Variants in MOB3B observed in about 807,000 individuals in gnomAD.
MOB3B encodes the protein MOB kinase activator 3B, also known as MOB kinase activator-like 2B.
Under a neutral mutation model 18.7 loss-of-function variants are expected in MOB3B, and 7 were observed. The ratio of observed to expected loss-of-function variants is 0.37; its 90% CI spans 0.21 to 0.70. The LOEUF is 0.70. Ranked by LOEUF, MOB3B falls within the 30% of genes least tolerant of loss-of-function variation. The pLI is 0.52. For missense variants in MOB3B, 253 were observed against 281.3 expected, an observed-to-expected ratio of 0.90 and a Z score of 0.72; for synonymous variants, 111 against 99.9, an observed-to-expected ratio of 1.11 and a Z score of -0.66.
intron 2 of MOB3B, among the ~76,000 whole-genome samples, chr9:27,420,547 CCATA>C (rs1563864411): frequency 2.2e-4 from 10 of 44,808 alleles, no homozygotes; most frequent in Non-Finnish European, 3.5e-4. Context: ...TCTGTATATT[CCATA>C]TATATATATA....
chr9:27,447,372 A>T (rs1427221989), intron 2 of MOB3B, among the ~76,000 whole-genome samples: 1 of 152,166 alleles, frequency 6.6e-6, no homozygotes, highest in African/African-American at 2.4e-5. Flanking sequence ...GCTACAAATG[A>T]CAAATGACGA....
intron 2 of MOB3B, among the ~76,000 whole-genome samples, chr9:27,399,642 G>A (rs887667658): frequency 3.3e-5 from 5 of 152,122 alleles, no homozygotes; most frequent in African/African-American, 2.4e-5. Flanking sequence ...TCTTGTGCAC[G>A]TCTCTGAACC....
At chr9:27,381,837 C>T (rs767140727) in intron 2 of MOB3B, among the ~76,000 whole-genome samples, 4 of 152,070 alleles carry the variant, frequency 2.6e-5, no homozygotes, top group African/African-American at 2.4e-5. Context: ...GTAGAGATGA[C>T]GTCTCGCTAT....
chr9:27,328,443 G>GCAATTAACA lies in MOB3B; in HGVS notation c.*2135_*2143dup, dbSNP rs1293794227. 24 of 151,600 alleles carry GCAATTAACA rather than the reference G, an allele frequency of 1.6e-4. 1 individual carries two copies. The highest frequency in any genetic ancestry group is 6.6e-4 in the Admixed American group (10 of 15,240). The allele number at this position is 151,600 out of a possible 1,614,324, so 9.4% of individuals were successfully genotyped here. On this transcript the variant is annotated 3_prime_UTR_variant, in exon 4 of 4. Transcript: ENST00000262244. ...ATTTACCCTAGAAGAGTTCATTAGT[G>GCAATTAACA]CAATTAACAATATAAGCAGGAGGAA...
intron 2 of MOB3B, among the ~76,000 whole-genome samples, chr9:27,416,684 C>T (rs1822155002): frequency 6.7e-6 from 1 of 149,558 alleles, no homozygotes; most frequent in Non-Finnish European, 1.5e-5. Context: ...GCATGATGTA[C>T]CACCATGCCC....
intron 2 of MOB3B, among the ~76,000 whole-genome samples, chr9:27,400,445 C>T (rs182194005): frequency 2.0e-3 from 303 of 152,268 alleles, no homozygotes; most frequent in Non-Finnish European, 3.3e-3. Context: ...GAGGGCCTGC[C>T]TCCCTCCTTC....
rs958118971 is a variant in MOB3B, at chr9:27,460,261, G to C, written c.-198-4513C>G. Among the ~76,000 whole-genome samples, 4 of 152,290 alleles carry C rather than the reference G, an allele frequency of 2.6e-5. No homozygotes were observed. The East Asian group carries it at 7.7e-4, about 29-fold the overall frequency. On this transcript the variant is annotated intron_variant, in intron 1 of 3. Transcript: ENST00000262244. ...CAATAAAGGGTGAGGTCTTTGGAAA[G>C]AGAAAAACAGAAATCTAAATAAATA...
chr9:27,478,036 G>A (rs111620437), intron 1 of MOB3B, among the ~76,000 whole-genome samples: 9 of 152,030 alleles, frequency 5.9e-5, no homozygotes, highest in African/African-American at 2.2e-4. Flanking sequence ...CCAGTATCAG[G>A]GTGAAAAAAA....
chr9:27,453,724 G>A (rs1343742330), intron 2 of MOB3B, among the ~76,000 whole-genome samples: 3 of 152,056 alleles, frequency 2.0e-5, no homozygotes, highest in South Asian at 2.1e-4. Context: ...AGGTATCCTT[G>A]CCTACATTTA....
rs1004991189 is a variant in MOB3B, at chr9:27,455,203, C to G, written c.348G>C (p.Gln116His). The change falls in exon 2 of 4, where the codon CAG (glutamine) becomes CAC (histidine). Residue 116 changes from glutamine (Q) to histidine (H), a missense_variant. Coordinates refer to ENST00000262244, the MANE Select transcript of MOB3B (RefSeq NM_024761.5). Reference protein sequence around the residue: ...YKKPTALPAPQYMNLLMDWIE... With the variant: ...YKKPTALPAPHYMNLLMDWIE... The stretch of plus-strand genomic sequence containing the variant: ...TCCAATCCATAAGAAGGTTCATGTA[C>G]TGGGGAGCTGGCAGCGCTGTTGGCT... 6.2e-7 allele frequency: 1 copy of G among 1,614,036 alleles called. No individual in the cohort carries two copies. The highest frequency in any genetic ancestry group is 1.3e-5 in the African/African-American group (1 of 74,914).
intron 1 of MOB3B, among the ~76,000 whole-genome samples, chr9:27,476,495 T>A (rs1402350551): frequency 6.6e-6 from 1 of 152,238 alleles, no homozygotes; most frequent in Non-Finnish European, 1.5e-5. Context: ...ATAGCAGTCA[T>A]TTTAGATTAG....
At chr9:27,528,765 C>T (rs1820480704) in intron 1 of MOB3B, among the ~76,000 whole-genome samples, 1 of 149,356 alleles carries the variant, frequency 6.7e-6, no homozygotes, top group South Asian at 2.1e-4. Context: ...GGGAGAGGGT[C>T]AGGAAAGAGC....
intron 1 of MOB3B, among the ~76,000 whole-genome samples, chr9:27,499,477 T>A (rs1263163957): frequency 6.6e-6 from 1 of 152,254 alleles, no homozygotes; most frequent in African/African-American, 2.4e-5. Flanking sequence ...TATGTCAGGT[T>A]AAGACATCTT....
intron 2 of MOB3B, among the ~76,000 whole-genome samples, chr9:27,444,721 G>A (rs187545137): frequency 7.2e-5 from 11 of 152,170 alleles, no homozygotes; most frequent in Non-Finnish European, 1.5e-4. Context: ...CACTTACTAG[G>A]AGGGTGACTT....
At chr9:27,360,363 G>C (rs369886582) in intron 2 of MOB3B, among the ~76,000 whole-genome samples, 1 of 152,144 alleles carries the variant, frequency 6.6e-6, no homozygotes, top group Non-Finnish European at 1.5e-5. Flanking sequence ...AAAATTAGCC[G>C]GGCATGTGGC....
At chr9:27,505,895 C>T (rs1820051603) in intron 1 of MOB3B, among the ~76,000 whole-genome samples, 1 of 152,202 alleles carries the variant, frequency 6.6e-6, no homozygotes, top group Admixed American at 6.5e-5. Context: ...CTCTTTGACT[C>T]TGGCTCTCAA....
At chr9:27,514,602 A>C (rs1015928178) in intron 1 of MOB3B, among the ~76,000 whole-genome samples, 12 of 152,226 alleles carry the variant, frequency 7.9e-5, no homozygotes, top group Non-Finnish European at 1.6e-4. Context: ...GAAATGCAGG[A>C]TCAGATCTAG....
intron 2 of MOB3B, among the ~76,000 whole-genome samples, chr9:27,423,370 A>T (rs969499990): frequency 6.6e-6 from 1 of 150,646 alleles, no homozygotes; most frequent in Non-Finnish European, 1.5e-5. Flanking sequence ...TGGCCCCCAT[A>T]CATGACTTTT....
Position 27,327,852 on chromosome 9 carries a change from A to G in MOB3B, c.*2735T>C, listed in dbSNP as rs1325428037. The stretch of plus-strand genomic sequence containing the variant: ...CAATGCTCTTATTAAAAGAAAGAAT[A>G]TGATGAAGTATTTTACATTTTCATG... On this transcript the variant is annotated 3_prime_UTR_variant, in exon 4 of 4. Coordinates refer to ENST00000262244, the MANE Select transcript of MOB3B (RefSeq NM_024761.5). 6.6e-6 allele frequency: 1 copy of G among 152,180 alleles called. No homozygotes were observed. The highest frequency in any genetic ancestry group is 1.5e-5 in the Non-Finnish European group (1 of 68,030). The allele number at this position is 152,180 out of a possible 1,614,324, so 9.4% of individuals were successfully genotyped here.
Sources: allele counts gnomAD v4.1 joint callset (sites outside exome capture counted in the v4.1 genomes callset), GRCh38; gene constraint gnomAD v4.1.1; transcripts MANE v1.5; gene names NCBI Gene and HGNC (gene_info 2026-07-23, HGNC 2026-07-21).